The following PRICKLE2 variants were observed in gnomAD, a reference collection of about 807,000 sequenced individuals.
PRICKLE2 encodes the protein prickle planar cell polarity protein 2.
In PRICKLE2, 21 loss-of-function variants were observed where a neutral mutation model predicts 81.4. That is an observed-to-expected ratio of 0.26 (90% CI 0.18 to 0.37). The LOEUF is 0.37. PRICKLE2 is among the 10% of genes least tolerant of loss of function. PRICKLE2 has a pLI of 1.00. For synonymous variants in PRICKLE2, 456 were observed against 421.5 expected (o/e 1.08, Z -1.00); for missense variants, 940 against 1,109.0 (o/e 0.85, Z 2.16).
intron 6 of PRICKLE2, 152 bp downstream of exon 6, chr3:64,153,030 T>G: frequency 1.2e-6 from 1 of 839,272 alleles, no homozygotes; most frequent in Non-Finnish European, 2.0e-6. Flanking sequence ...TTCTTGGCCT[T>G]TCTAGTGTCA....
intron 1 of PRICKLE2, among the ~76,000 whole-genome samples, chr3:64,223,565 G>A (rs1250142638): frequency 6.6e-6 from 1 of 152,054 alleles, no homozygotes; most frequent in Non-Finnish European, 1.5e-5. Flanking sequence ...TACTCTTTCT[G>A]GCTGCCCCGT....
At chr3:64,101,072 A>G (rs1323101819) in intron 7 of PRICKLE2, 3 of 152,236 alleles carry the variant, frequency 2.0e-5, no homozygotes, top group Non-Finnish European at 4.4e-5. Context: ...AAAGCTAAAT[A>G]CACATATACG....
chr3:64,108,682 G>C (rs1197703238), intron 7 of PRICKLE2, among the ~76,000 whole-genome samples: 18 of 152,108 alleles, frequency 1.2e-4, no homozygotes, highest in Admixed American at 1.2e-3. Context: ...CGAGATCCCT[G>C]GTGATTCTCA....
chr3:64,162,905 A>G, intron 3 of PRICKLE2, 111 bp downstream of exon 3: 1 of 812,090 alleles, frequency 1.2e-6, no homozygotes, highest in Non-Finnish European at 2.2e-6. Context: ...AACCTAAAAT[A>G]AATTGCCAGA....
At chr3:64,156,075 C>T (rs773636651) in intron 5 of PRICKLE2, among the ~76,000 whole-genome samples, 1 of 152,128 alleles carries the variant, frequency 6.6e-6, no homozygotes, top group Non-Finnish European at 1.5e-5. Context: ...TTCTAATTGC[C>T]ATTAGACAAC....
intron 2 of PRICKLE2, among the ~76,000 whole-genome samples, chr3:64,178,991 CTTTCTTT>C (rs1559559485): frequency 1.4e-5 from 2 of 144,646 alleles, no homozygotes; most frequent in Non-Finnish European, 1.5e-5. Context: ...TTCTTTCTTT[CTTTCTTT>C]CTTTCTTTCT....
At chr3:64,131,893 G>A (rs1442693941) in intron 7 of PRICKLE2, among the ~76,000 whole-genome samples, 1 of 152,192 alleles carries the variant, frequency 6.6e-6, no homozygotes, top group Non-Finnish European at 1.5e-5. Flanking sequence ...GACCAGGGCA[G>A]TGTTCTCAGA....
chr3:64,170,300 T>C (rs1028977722), intron 2 of PRICKLE2, among the ~76,000 whole-genome samples: 1 of 152,190 alleles, frequency 6.6e-6, no homozygotes, highest in Non-Finnish European at 1.5e-5. Flanking sequence ...GAAGACTCTT[T>C]CAAAGACTCC....
intron 7 of PRICKLE2, among the ~76,000 whole-genome samples, chr3:64,143,875 A>G (rs1254006829): frequency 6.6e-6 from 1 of 152,186 alleles, no homozygotes; most frequent in African/African-American, 2.4e-5. Flanking sequence ...CTGGGCTGGA[A>G]GCCAGGCAGT....
At chr3:64,227,786 A>G (rs547026358), upstream of PRICKLE2, among the ~76,000 whole-genome samples, 6 of 152,338 alleles carry the variant, frequency 3.9e-5, no homozygotes, top group South Asian at 2.1e-4. Context: ...CAAACACTCA[A>G]TAAGTGTTAG....
intron 2 of PRICKLE2, among the ~76,000 whole-genome samples, chr3:64,198,353 G>A (rs1162588543): frequency 1.3e-5 from 2 of 152,114 alleles, no homozygotes; most frequent in Non-Finnish European, 2.9e-5. Context: ...GTCAGAGGAA[G>A]TCAACAGTGG....
At chr3:64,165,079 C>A (rs994550705) in intron 2 of PRICKLE2, among the ~76,000 whole-genome samples, 4 of 152,164 alleles carry the variant, frequency 2.6e-5, no homozygotes, top group African/African-American at 9.7e-5. Context: ...ACATTAGGGA[C>A]AATTGCTAAT....
intron 7 of PRICKLE2, among the ~76,000 whole-genome samples, chr3:64,121,512 G>T (rs1193427359): frequency 2.0e-5 from 3 of 147,130 alleles, no homozygotes; most frequent in Admixed American, 7.0e-5. Flanking sequence ...ACTCGGCTGT[G>T]TTCAGCCAAA....
chr3:64,182,394 G>A (rs2078151087), intron 2 of PRICKLE2, among the ~76,000 whole-genome samples: 1 of 152,024 alleles, frequency 6.6e-6, no homozygotes. Context: ...GGCTGAGGTG[G>A]GAGGATGGAG....
At chr3:64,203,045 A>G (rs1331884311) in intron 1 of PRICKLE2, among the ~76,000 whole-genome samples, 3 of 152,172 alleles carry the variant, frequency 2.0e-5, no homozygotes, top group Non-Finnish European at 4.4e-5. Flanking sequence ...TTATTCTATT[A>G]ATGTGTTGTG....
intron 7 of PRICKLE2, among the ~76,000 whole-genome samples, chr3:64,123,258 A>G (rs1373136740): frequency 6.6e-6 from 1 of 152,242 alleles, no homozygotes; most frequent in African/African-American, 2.4e-5. Flanking sequence ...TTAGGACACA[A>G]TGGAATAAAG....
At chr3:64,116,666 C>A (rs191370488) in intron 7 of PRICKLE2, among the ~76,000 whole-genome samples, 374 of 152,184 alleles carry the variant, frequency 2.5e-3, no homozygotes, top group Non-Finnish European at 4.3e-3. Flanking sequence ...AATCCCTGAA[C>A]AGACCAATAA....
chr3:64,228,533 G>A (rs1003377191), upstream of PRICKLE2, among the ~76,000 whole-genome samples: 1 of 125,774 alleles, frequency 8.0e-6, no homozygotes, highest in Admixed American at 7.1e-5. Flanking sequence ...ATTCTAATGA[G>A]GTGTTTTTTT....
At chr3:64,262,183 T>A (rs2079624737) in intron 2 of PRICKLE2, among the ~76,000 whole-genome samples, 1 of 152,096 alleles carries the variant, frequency 6.6e-6, no homozygotes, top group African/African-American at 2.4e-5. Context: ...TTCTAGTCAG[T>A]CCTCCCTCCC....
Sources: gnomAD v4.1 joint callset for allele counts (sites outside exome capture counted in the v4.1 genomes callset) on GRCh38, gnomAD v4.1.1 for gene constraint, MANE v1.5 for transcripts, NCBI Gene and HGNC (gene_info 2026-07-23, HGNC 2026-07-21) for gene names.